TTLL12: variants seen among roughly 807,000 people sequenced by gnomAD.
TTLL12 encodes tubulin tyrosine ligase like 12, also known as tubulin--tyrosine ligase-like protein 12.
TTLL12 carries 77 observed loss-of-function variants against 79.6 expected under a neutral mutation model. That is an observed-to-expected ratio of 0.97 (90% CI 0.81 to 1.17). The LOEUF (loss-of-function observed/expected upper bound fraction) is 1.17, where lower values mean the gene tolerates loss of function less well. Ranked by LOEUF, TTLL12 falls within the 50% of genes most tolerant of loss-of-function variation. TTLL12 has a pLI of 0.00. For synonymous variants in TTLL12, 437 were observed against 376.1 expected (o/e 1.16, Z -1.87); for missense variants, 969 against 895.9 (o/e 1.08, Z -1.04).
chr22:43,168,807 C>T lies in TTLL12; in HGVS notation c.1750G>A (p.Asp584Asn), dbSNP rs749825247. The change falls in exon 13 of 14, where the codon GAC (aspartate) becomes AAC (asparagine). Residue 584 changes from aspartate to asparagine, a missense_variant. Asp to Asn is a conservative substitution (Grantham distance 23). Coordinates refer to ENST00000216129, the MANE Select transcript of TTLL12 (RefSeq NM_015140.4). Reference sequence around the variant, plus strand: ...CCGTTGTCCCACTTCAGCATGAGGTCGACGGCATACATGGCCCGGGATGAG... The same window carrying T: ...CCGTTGTCCCACTTCAGCATGAGGTTGACGGCATACATGGCCCGGGATGAG... Reference protein sequence around the residue: ...YPSSRAMYAVDLMLKWDNGPD... With the variant: ...YPSSRAMYAVNLMLKWDNGPD... The T allele has an allele frequency of 8.6e-5, 135 of 1,574,812 alleles. No homozygotes were observed. Among genetic ancestry groups the T allele is most frequent in the Non-Finnish European group, 1.1e-4 (131 of 1,161,034 alleles).
chr22:43,170,348 G>A (rs1601766853), intron 11 of TTLL12: 1 of 198,328 alleles, frequency 5.0e-6, no homozygotes, highest in Non-Finnish European at 1.0e-5. Context: ...GGACCACTCG[G>A]CCCCTGTGGG....
chr22:43,171,757 G>T (rs1256283353), intron 11 of TTLL12, 62 bp downstream of exon 11: 2 of 1,433,504 alleles, frequency 1.4e-6, no homozygotes, highest in African/African-American at 1.4e-5. Context: ...GTGTGGGCGG[G>T]GTGGGGTCGG....
At chr22:43,174,124 G>C in intron 8 of TTLL12, 85 bp downstream of exon 8, 1 of 1,487,894 alleles carries the variant, frequency 6.7e-7, no homozygotes, top group Non-Finnish European at 9.1e-7. Flanking sequence ...TTCCACAGTG[G>C]GTGCTCATGG....
Position 43,180,219 on chromosome 22 carries a change from C to T in TTLL12, c.547-219G>A, listed in dbSNP as rs143355542. Among the ~76,000 whole-genome samples, 502 of 152,248 alleles carry T rather than the reference C, an allele frequency of 3.3e-3. 4 individuals carry two copies. The highest frequency in any genetic ancestry group is 0.011 in the African/African-American group (477 of 41,552). On this transcript the variant is annotated intron_variant, in intron 3 of 13. Coordinates refer to ENST00000216129, the MANE Select transcript of TTLL12 (RefSeq NM_015140.4). ...GCCTGGGTAACACAGCGTGAACACT[C>T]GTGGTAAAAGGGCGTTTGGTAACAA...
Position 43,167,241 on chromosome 22 carries a change from G to A in TTLL12, c.*767C>T. ...GGATCCTGGCCCATCTCACACAAGG[G>A]CGGGACCCCGTGGAGTGCCCGGCGA... On this transcript the variant is annotated 3_prime_UTR_variant, in exon 14 of 14. Transcript: ENST00000216129. The A allele has an allele frequency of 1.9e-6, 1 of 526,836 alleles. No homozygotes were observed. Among genetic ancestry groups the A allele is most frequent in the South Asian group, 1.4e-5 (1 of 70,352 alleles). The allele number at this position is 526,836 out of a possible 1,614,324, so 32.6% of individuals were successfully genotyped here. A position where few individuals can be genotyped will look rare whatever the true frequency, so the allele number is the denominator to read the frequency against.
In TTLL12 at chr22:43,167,549, G is replaced by A. The variant is rs567215005; in HGVS notation, c.*459C>T. 258 of 188,270 alleles carry A rather than the reference G, an allele frequency of 1.4e-3. 1 individual carries two copies. Among genetic ancestry groups the A allele is most frequent in the African/African-American group, 5.8e-3 (245 of 42,586 alleles). 11.7% of individuals were successfully genotyped at this position (188,270 alleles called of 1,614,324 possible). On this transcript the variant is annotated 3_prime_UTR_variant, in exon 14 of 14. Transcript: ENST00000216129. ...CCTGATGCATAAGAGCAGAGACCCCGGAAGAGAAACCCGCCTGCCCCGTGT... is the reference window on the plus strand; with the variant it reads ...CCTGATGCATAAGAGCAGAGACCCCAGAAGAGAAACCCGCCTGCCCCGTGT...
chr22:43,178,232 G>A (rs928802079), intron 5 of TTLL12, among the ~76,000 whole-genome samples: 13 of 151,996 alleles, frequency 8.6e-5, no homozygotes, highest in African/African-American at 4.8e-5. Context: ...GACTTAGACC[G>A]AAAGTGAAAG....
intron 13 of TTLL12, 112 bp downstream of exon 13, chr22:43,168,662 T>C: frequency 2.1e-6 from 3 of 1,443,710 alleles, no homozygotes; most frequent in Non-Finnish European, 2.8e-6. Flanking sequence ...GATTCCTGGC[T>C]GATTCAAGCC....
intron 5 of TTLL12, 82 bp downstream of exon 5, chr22:43,179,537 T>C (rs978419831): frequency 2.0e-4 from 283 of 1,429,036 alleles, no homozygotes; most frequent in South Asian, 4.2e-4. Context: ...CCGGCTGGGG[T>C]TTGATAACAT....
chr22:43,186,260 C>T (rs930756889), intron 1 of TTLL12, among the ~76,000 whole-genome samples: 6 of 146,538 alleles, frequency 4.1e-5, no homozygotes, highest in Non-Finnish European at 8.9e-5. Context: ...ATCCAGGGCT[C>T]ATCCCCAGCC....
Position 43,166,906 on chromosome 22 carries a change from G to T in TTLL12, c.*1102C>A, listed in dbSNP as rs1044507299. The T allele has an allele frequency of 3.6e-6, 1 of 274,558 alleles. No homozygotes were observed. Among genetic ancestry groups the T allele is most frequent in the Non-Finnish European group, 7.1e-6 (1 of 140,262 alleles). 17.0% of individuals were successfully genotyped at this position (274,558 alleles called of 1,614,324 possible). On this transcript the variant is annotated 3_prime_UTR_variant, in exon 14 of 14. Coordinates refer to ENST00000216129, the MANE Select transcript of TTLL12 (RefSeq NM_015140.4). ...CCTAGCCCTGCCCTCCCATGCACTG[G>T]AAGGCTCTGGAAGTAGCTCTCGCCT...
intron 2 of TTLL12, 43 bp downstream of exon 2, chr22:43,182,937 C>T: frequency 6.3e-7 from 1 of 1,596,014 alleles, no homozygotes; most frequent in Non-Finnish European, 8.6e-7. Flanking sequence ...TCCCACCTTT[C>T]ACCAAGTGAA....
chr22:43,167,868 G>C lies in TTLL12; in HGVS notation c.*140C>G. On this transcript the variant is annotated 3_prime_UTR_variant, in exon 14 of 14. Transcript: ENST00000216129. ...TCCCGGAGTGTGGCGCCGGGAGGAT[G>C]GCTCGGCAGGACAGAGGCCTGGGGC... 9.1e-7 allele frequency: 1 copy of C among 1,098,628 alleles called. No individual in the cohort carries two copies. The highest frequency in any genetic ancestry group is 1.3e-6 in the Non-Finnish European group (1 of 766,132). 68.1% of individuals were successfully genotyped at this position (1,098,628 alleles called of 1,614,324 possible).
intron 13 of TTLL12, 61 bp from the exon 14 acceptor site, chr22:43,168,220 T>C: frequency 6.4e-7 from 1 of 1,573,760 alleles, no homozygotes; most frequent in South Asian, 1.2e-5. Flanking sequence ...GCAGGGACAG[T>C]GGCCTGGGGA....
intron 2 of TTLL12, 48 bp downstream of exon 2, chr22:43,182,932 C>T: frequency 6.3e-7 from 1 of 1,592,956 alleles, no homozygotes. Flanking sequence ...GCATCTCCCA[C>T]CTTTCACCAA....
rs1931683317 is a variant in TTLL12 at position 43,168,756 on chromosome 22, A to G, written c.1783+18T>C. 1 of 1,550,128 alleles carries G rather than the reference A, an allele frequency of 6.5e-7. No individual in the cohort carries two copies. The highest frequency in any genetic ancestry group is 1.4e-5 in the African/African-American group (1 of 73,076). On this transcript the variant is annotated intron_variant, in intron 13 of 13. Coordinates refer to ENST00000216129, the MANE Select transcript of TTLL12 (RefSeq NM_015140.4). ...GGCGCCTGCTGGTTTGGATCAGGAG[A>G]TGGGGAGCCCCTCTTACCATCTGGG...
chr22:43,173,958 G>C (rs1931832398), intron 8 of TTLL12, 132 bp from the exon 9 acceptor site: 2 of 946,182 alleles, frequency 2.1e-6, no homozygotes, highest in African/African-American at 3.3e-5. Flanking sequence ...AGAGCTGTCA[G>C]AGGCAGGGGC....
rs144435000 is a variant in TTLL12, at chr22:43,171,822, C to T, written c.1572G>A (p.Lys524=). 10 of 1,613,964 alleles carry T rather than the reference C, an allele frequency of 6.2e-6. No individual in the cohort carries two copies. In the African/African-American group the frequency reaches 9.3e-5, roughly 15 times the overall value. The change falls in exon 11 of 14, where the codon AAG becomes AAA. Residue 524 remains lysine (K), a synonymous_variant. Coordinates refer to ENST00000216129, the MANE Select transcript of TTLL12 (RefSeq NM_015140.4). ...CTGCACCTCCCTCAGGCCCTACCTG[C>T]TTCAGCACCACATCCGGGTCATAGT... The part of the protein sequence containing the change: ...VMNYDPDVVL[K]QVHCEEFIPE...
At chr22:43,172,334 T>G (rs959112714) in intron 10 of TTLL12, 69 bp downstream of exon 10, 2 of 1,584,582 alleles carry the variant, frequency 1.3e-6, no homozygotes, top group African/African-American at 2.7e-5. Context: ...AAAGGGCCCA[T>G]CACCCACCCG....
Sources: allele counts gnomAD v4.1 joint callset (sites outside exome capture counted in the v4.1 genomes callset), GRCh38; gene constraint gnomAD v4.1.1; transcripts MANE v1.5; gene names NCBI Gene and HGNC (gene_info 2026-07-23, HGNC 2026-07-21).